The following CP variants were observed in gnomAD, a reference collection of about 807,000 sequenced individuals.
The protein encoded by CP is ceruloplasmin, also known as caeruloplasmin.
A neutral mutation model predicts 122.4 loss-of-function variants in CP; 64 were observed. The ratio of observed to expected loss-of-function variants is 0.52; its 90% CI spans 0.43 to 0.64. The LOEUF is 0.64. CP is among the 30% of genes least tolerant of loss of function. The pLI, the probability that CP is intolerant of heterozygous loss-of-function variation, is 0.00. For missense variants in CP, 1,167 were observed against 1,284.4 expected (o/e 0.91, Z 1.40); for synonymous variants, 440 against 436.4 (o/e 1.01, Z -0.10).
intron 5 of CP, among the ~76,000 whole-genome samples, chr3:149,165,104 C>T (rs1237526882): frequency 6.6e-6 from 1 of 152,138 alleles, no homozygotes; most frequent in Non-Finnish European, 1.5e-5. Context: ...TGTCTCTTGT[C>T]TCTAGTACTA....
At chr3:149,191,793 A>G (rs1009881477) in intron 9 of CP, among the ~76,000 whole-genome samples, 2 of 152,094 alleles carry the variant, frequency 1.3e-5, no homozygotes, top group Non-Finnish European at 2.9e-5. Context: ...TTCTATAATG[A>G]CAATATGCAA....
At chr3:149,169,298 A>G (rs1225392724), downstream of CP, among the ~76,000 whole-genome samples, 1 of 152,176 alleles carries the variant, frequency 6.6e-6, no homozygotes, top group Non-Finnish European at 1.5e-5. Flanking sequence ...AGAGCCCTGT[A>G]CTGGGATCTG....
rs1725654318 is a variant in CP at position 149,179,682 on chromosome 3, A to G, written c.2555-20T>C. ...TTTCACCTAAATTCATCAAGTGTTA[A>G]TGGATCTGGTTGTATTTGGTTTATA... On this transcript the variant is annotated intron_variant, in intron 14 of 18. Coordinates refer to ENST00000264613, the MANE Select transcript of CP (RefSeq NM_000096.4). The G allele has an allele frequency of 7.0e-7, 1 of 1,427,364 alleles. No individual in the cohort carries two copies. Among genetic ancestry groups the G allele is most frequent in the Non-Finnish European group, 9.8e-7 (1 of 1,019,326 alleles). 88.4% of individuals were successfully genotyped at this position (1,427,364 alleles called of 1,614,324 possible). A position where few individuals can be genotyped will look rare whatever the true frequency, so the allele number is the denominator to read the frequency against.
At position 149,185,274 on chromosome 3, in the gene CP, C is replaced by T. The variant is rs752388103; in HGVS notation, c.2250G>A (p.Glu750=). ...GTAAATGATGCAGCTCCTTTTCCCA[C>T]TCCCTTTGTGGGGAATAATCCCATT... ...EVEWDYSPQR[E]WEKELHHLQE... is the part of the protein sequence containing the mutation. Residue 750 remains glutamate, a synonymous_variant, in exon 12 of 19, where the codon GAG becomes GAA. Transcript: ENST00000264613. The T allele has an allele frequency of 3.1e-6, 5 of 1,613,484 alleles. No individual in the cohort carries two copies. The highest frequency in any genetic ancestry group is 4.2e-6 in the Non-Finnish European group (5 of 1,179,984).
rs34182287 is a variant in CP at position 149,173,981 on chromosome 3, G to T, written c.3182-251C>A. ...AATAACTTTACAATGGAGACACCTGGCAGACACCATCTTAACCAAAGCTTG... is the reference window on the plus strand; with the variant it reads ...AATAACTTTACAATGGAGACACCTGTCAGACACCATCTTAACCAAAGCTTG... On this transcript the variant is annotated intron_variant, in intron 18 of 18. Coordinates refer to ENST00000264613, the MANE Select transcript of CP (RefSeq NM_000096.4). Among the ~76,000 whole-genome samples the T allele has an allele frequency of 5.2e-3, 797 of 152,144 alleles. 17 individuals are homozygous for T. The highest frequency in any genetic ancestry group is 4.8e-3 in the Non-Finnish European group (326 of 67,960).
intron 17 of CP, 159 bp from the exon 18 acceptor site, chr3:149,176,571 T>C: frequency 1.6e-6 from 1 of 633,408 alleles, no homozygotes; most frequent in Non-Finnish European, 2.8e-6. Flanking sequence ...AAAATGTGGT[T>C]TTTGTATTCC....
intron 7 of CP, among the ~76,000 whole-genome samples, chr3:149,201,156 C>G (rs1441622715): frequency 1.3e-5 from 2 of 152,010 alleles, no homozygotes; most frequent in Non-Finnish European, 2.9e-5. Context: ...CGGAGTCTCG[C>G]TCTGTCACCC....
At chr3:149,179,455 T>C (rs1308147784) in intron 15 of CP, 101 bp downstream of exon 15, 11 of 905,404 alleles carry the variant, frequency 1.2e-5, no homozygotes, top group African/African-American at 3.3e-5. Context: ...TTTCCTAGGA[T>C]TTTAACGTAG....
intron 12 of CP, among the ~76,000 whole-genome samples, chr3:149,184,515 C>G (rs1003693103): frequency 6.6e-6 from 1 of 152,172 alleles, no homozygotes; most frequent in African/African-American, 2.4e-5. Flanking sequence ...CCTGCCCACC[C>G]CAATCTCTCA....
At chr3:149,197,631 C>G (rs1341216671) in intron 9 of CP, among the ~76,000 whole-genome samples, 1 of 152,106 alleles carries the variant, frequency 6.6e-6, no homozygotes, top group South Asian at 2.1e-4. Context: ...CACCAGGGAC[C>G]GGTTTCACGG....
intron 4 of CP, chr3:149,167,280 A>G: frequency 1.3e-6 from 2 of 1,496,112 alleles, no homozygotes; most frequent in Non-Finnish European, 9.2e-7. Flanking sequence ...TTGATCAGTG[A>G]TAATCAGATC....
chr3:149,179,783 G>A (rs1725662945), intron 14 of CP, 121 bp from the exon 15 acceptor site: 2 of 716,216 alleles, frequency 2.8e-6, no homozygotes, highest in African/African-American at 1.8e-5. Flanking sequence ...AACTGGAAAT[G>A]TCAGTGTAAT....
chr3:149,189,553 CAA>C (rs368946126), intron 9 of CP, among the ~76,000 whole-genome samples: 62 of 89,264 alleles, frequency 6.9e-4, no homozygotes, highest in African/African-American at 1.1e-3. Flanking sequence ...GACTCTATCT[CAA>C]AAAAAAAAAA....
downstream of CP, chr3:149,172,170 C>A (rs1417222671): frequency 1.2e-6 from 2 of 1,613,454 alleles, no homozygotes; most frequent in Non-Finnish European, 8.5e-7. Flanking sequence ...GGTACTGCAA[C>A]ATTTTTCTTG....
intron 5 of CP, 92 bp from the exon 6 acceptor site, chr3:149,206,431 A>G: frequency 7.1e-7 from 1 of 1,410,144 alleles, no homozygotes; most frequent in Non-Finnish European, 1.0e-6. Context: ...TGACAAGTAG[A>G]AATTGAAGGA....
chr3:149,214,246 G>A (rs975029371), intron 1 of CP, among the ~76,000 whole-genome samples: 2 of 152,184 alleles, frequency 1.3e-5, no homozygotes, highest in African/African-American at 4.8e-5. Flanking sequence ...AGGCTATATA[G>A]ATTAAGCCTG....
At chr3:149,181,976 A>AGGGGGGGG in intron 14 of CP, 29 bp downstream of exon 14, 3 of 561,808 alleles carry the variant, frequency 5.3e-6, no homozygotes, top group Non-Finnish European at 1.0e-5. Flanking sequence ...GTTAAAATGC[A>AGGGGGGGG]CCACCCCCAC....
chr3:149,200,116 G>C, intron 7 of CP: 1 of 482,736 alleles, frequency 2.1e-6, no homozygotes, highest in Non-Finnish European at 3.8e-6. Flanking sequence ...AAGTCAGTTA[G>C]TAAGCTTTAC....
chr3:149,196,801 T>C (rs1017950441), intron 9 of CP, among the ~76,000 whole-genome samples: 3 of 152,184 alleles, frequency 2.0e-5, no homozygotes, highest in Non-Finnish European at 4.4e-5. Flanking sequence ...GAATCAAGTA[T>C]TTGTCATTGT....
Sources: allele counts gnomAD v4.1 joint callset (sites outside exome capture counted in the v4.1 genomes callset), GRCh38; gene constraint gnomAD v4.1.1; transcripts MANE v1.5; gene names NCBI Gene and HGNC (gene_info 2026-07-23, HGNC 2026-07-21).